FAM120C: variants seen among roughly 807,000 people sequenced by gnomAD.
FAM120C encodes the protein family with sequence similarity 120 member C.
In FAM120C, 14 loss-of-function variants were observed where a neutral mutation model predicts 71.2. The observed-to-expected ratio is 0.20, with a 90% CI of 0.13 to 0.31. The LOEUF (loss-of-function observed/expected upper bound fraction) is 0.31, where lower values mean the gene tolerates loss of function less well. FAM120C is among the 10% of genes least tolerant of loss of function. FAM120C has a pLI of 1.00. For missense variants in FAM120C, 500 were observed against 879.0 expected (o/e 0.57, Z 5.45); for synonymous variants, 354 against 353.2 (o/e 1.00, Z -0.03).
chrX:54,128,035 A>G (rs1449489803), intron 9 of FAM120C, among the ~76,000 whole-genome samples: 1 of 111,484 alleles, frequency 9.0e-6, no homozygotes, highest in Non-Finnish European at 1.9e-5. Flanking sequence ...TTACATTCCT[A>G]CCAACAGTAT....
intron 10 of FAM120C, among the ~76,000 whole-genome samples, chrX:54,114,972 T>C (rs1177679288): frequency 9.1e-6 from 1 of 110,154 alleles, no homozygotes; most frequent in African/African-American, 3.3e-5. Context: ...CTGTCCAGGC[T>C]GGTCTTGAAC....
chrX:54,131,960 G>C (rs1466494591), intron 9 of FAM120C, among the ~76,000 whole-genome samples: 5 of 106,558 alleles, frequency 4.7e-5, no homozygotes, highest in Non-Finnish European at 9.6e-5. Context: ...CACTGGGTTA[G>C]CCAGGATGGT....
At chrX:54,159,981 C>T (rs1413102858) in intron 1 of FAM120C, among the ~76,000 whole-genome samples, 2 of 109,981 alleles carry the variant, frequency 1.8e-5, no homozygotes, top group East Asian at 2.9e-4. Context: ...ACACAGACAG[C>T]GTTTGTGTTT....
chrX:54,140,067 G>A (rs2067116235), intron 4 of FAM120C, among the ~76,000 whole-genome samples: 1 of 110,358 alleles, frequency 9.1e-6, no homozygotes, highest in Admixed American at 9.7e-5. Flanking sequence ...GCCGAGGCGG[G>A]CGGATCACTT....
Position 54,068,789 on chromosome X carries a change from C to CAGAACAGAATAGAATAGAATAGAAT in FAM120C, c.*4243_*4244insATTCTATTCTATTCTATTCTGTTCT, listed in dbSNP as rs60166177. 4.2e-4 allele frequency: 43 copies of CAGAACAGAATAGAATAGAATAGAAT among 103,233 alleles called. No individual in the cohort carries two copies. The highest frequency in any genetic ancestry group is 1.7e-3 in the African/African-American group (42 of 25,146). 8.5% of individuals were successfully genotyped at this position (103,233 alleles called of 1,213,427 possible). A position where few individuals can be genotyped will look rare whatever the true frequency, so the allele number is the denominator to read the frequency against. ...AAAAACAGAATAGAACAGAATAGAA[C>CAGAACAGAATAGAATAGAATAGAAT]AGAATAGAATAGAATAGAATAGAAT... On this transcript the variant is annotated 3_prime_UTR_variant, in exon 16 of 16. Transcript: ENST00000375180.
chrX:54,140,728 C>A (rs782808439), intron 4 of FAM120C, among the ~76,000 whole-genome samples: 1 of 109,264 alleles, frequency 9.2e-6, no homozygotes, highest in Non-Finnish European at 1.9e-5. Context: ...CCGAGGCAGG[C>A]GGATCACTTA....
At chrX:54,084,890 C>T (rs971722056) in intron 13 of FAM120C, among the ~76,000 whole-genome samples, 8 of 111,380 alleles carry the variant, frequency 7.2e-5, no homozygotes, top group Non-Finnish European at 1.5e-4. Flanking sequence ...GTATGTTTTC[C>T]TCACTAAACT....
intron 3 of FAM120C, among the ~76,000 whole-genome samples, chrX:54,152,021 A>ATT (rs1234773932): frequency 1.0e-5 from 1 of 99,163 alleles, no homozygotes; most frequent in African/African-American, 3.6e-5. Flanking sequence ...ATACCTAAAC[A>ATT]TTTTTTTTTT....
At chrX:54,076,715 G>A (rs1009765896) in intron 15 of FAM120C, among the ~76,000 whole-genome samples, 1 of 111,739 alleles carries the variant, frequency 8.9e-6, no homozygotes, top group African/African-American at 3.3e-5. Flanking sequence ...TATCTACTTC[G>A]TAGGTTCCTG....
intron 4 of FAM120C, among the ~76,000 whole-genome samples, chrX:54,145,145 C>T (rs782600760): frequency 4.5e-5 from 5 of 112,001 alleles, no homozygotes; most frequent in South Asian, 3.7e-4. Context: ...CCCTTCCTTA[C>T]GCCTTATACA....
intron 10 of FAM120C, among the ~76,000 whole-genome samples, chrX:54,101,789 C>T (rs372490872): frequency 1.6e-3 from 175 of 111,688 alleles, no homozygotes; most frequent in African/African-American, 5.3e-3. Context: ...GAAACCTTAT[C>T]GGAATGGCCT....
intron 9 of FAM120C, among the ~76,000 whole-genome samples, chrX:54,118,222 TAAA>T (rs781998925): frequency 2.2e-5 from 2 of 90,756 alleles, no homozygotes. Flanking sequence ...AAACTCCATC[TAAA>T]AAAAAAAAAA....
chrX:54,181,021 CCTT>C (rs1692464157), intron 1 of FAM120C, among the ~76,000 whole-genome samples: 1 of 96,790 alleles, frequency 1.0e-5, no homozygotes, highest in South Asian at 4.3e-4. Context: ...CAAATGTGTG[CCTT>C]TTTTTTTTTT....
chrX:54,180,247 G>A (rs2067341001), intron 1 of FAM120C, among the ~76,000 whole-genome samples: 1 of 111,875 alleles, frequency 8.9e-6, no homozygotes, highest in Non-Finnish European at 1.9e-5. Flanking sequence ...CTGGCTATTC[G>A]GGTCTCCACA....
At chrX:54,125,354 A>C (rs2067021515) in intron 9 of FAM120C, among the ~76,000 whole-genome samples, 1 of 110,724 alleles carries the variant, frequency 9.0e-6, no homozygotes, top group African/African-American at 3.3e-5. Flanking sequence ...ACTACAGTGC[A>C]GTGGAGTGAT....
At chrX:54,164,796 T>C (rs1399572607) in intron 1 of FAM120C, among the ~76,000 whole-genome samples, 1 of 111,984 alleles carries the variant, frequency 8.9e-6, no homozygotes, top group Non-Finnish European at 1.9e-5. Context: ...CTGAATTATA[T>C]GGTAGTTTTA....
chrX:54,165,784 A>C (rs2067256793), intron 1 of FAM120C, among the ~76,000 whole-genome samples: 1 of 109,386 alleles, frequency 9.1e-6, no homozygotes, highest in African/African-American at 3.4e-5. Context: ...CTCAAAAAAA[A>C]TAATAATAAT....
chrX:54,136,601 G>A lies in FAM120C; in HGVS notation c.1159-11C>T, dbSNP rs782303488. The A allele has an allele frequency of 8.1e-6, 9 of 1,114,577 alleles. No individual in the cohort carries two copies. The East Asian group carries it at 2.7e-4, about 33-fold the overall frequency. The allele number at this position is 1,114,577 out of a possible 1,213,427, so 91.9% of individuals were successfully genotyped here. A position where few individuals can be genotyped will look rare whatever the true frequency, so the allele number is the denominator to read the frequency against. On this transcript the variant is annotated splice_polypyrimidine_tract_variant and intron_variant, in intron 4 of 15. Coordinates refer to ENST00000375180, the MANE Select transcript of FAM120C (RefSeq NM_017848.6). ...ATCTTCTGTCCTGGACTGGATGTTG[G>A]AACATCAGATTTTCAGAAGAAAAAA...
At chrX:54,143,123 CCA>C (rs2067135119) in intron 4 of FAM120C, among the ~76,000 whole-genome samples, 1 of 111,580 alleles carries the variant, frequency 9.0e-6, no homozygotes, top group African/African-American at 3.3e-5. Flanking sequence ...GTAGATAAAA[CCA>C]CACAGATGGG....
Sources: gnomAD v4.1 joint callset for allele counts (sites outside exome capture counted in the v4.1 genomes callset) on GRCh38, gnomAD v4.1.1 for gene constraint, MANE v1.5 for transcripts, NCBI Gene and HGNC (gene_info 2026-07-23, HGNC 2026-07-21) for gene names.